The following FAM117A variants were observed in gnomAD, a reference collection of about 807,000 sequenced individuals.
FAM117A encodes protein FAM117A.
FAM117A carries 21 observed loss-of-function variants against 44.1 expected under a neutral mutation model. The observed-to-expected ratio is 0.48, with a 90% CI of 0.34 to 0.69. The LOEUF (loss-of-function observed/expected upper bound fraction) is 0.69, where lower values mean the gene tolerates loss of function less well. FAM117A is among the 30% of genes least tolerant of loss of function. The pLI is 0.01. For synonymous variants in FAM117A, 220 were observed against 238.3 expected, an observed-to-expected ratio of 0.92 and a Z score of 0.71; for missense variants, 498 against 589.9, an observed-to-expected ratio of 0.84 and a Z score of 1.61.
intron 5 of FAM117A, among the ~76,000 whole-genome samples, chr17:49,719,468 T>C (rs1393686754): frequency 1.3e-5 from 2 of 152,122 alleles, no homozygotes; most frequent in East Asian, 3.9e-4. Flanking sequence ...GAACTGGCAG[T>C]TTGGCTGAAG....
At chr17:49,757,090 C>A (rs1200993307) in intron 1 of FAM117A, among the ~76,000 whole-genome samples, 1 of 152,146 alleles carries the variant, frequency 6.6e-6, no homozygotes, top group African/African-American at 2.4e-5. Flanking sequence ...CCCTCCGAGT[C>A]TTCCCAGGCC....
chr17:49,785,868 T>C (rs1431157238), intron 1 of FAM117A, among the ~76,000 whole-genome samples: 2 of 152,144 alleles, frequency 1.3e-5, no homozygotes, highest in African/African-American at 2.4e-5. Context: ...CCTGAGAAAA[T>C]AGAAAGGCAA....
At chr17:49,770,431 A>G (rs1270061748) in intron 1 of FAM117A, among the ~76,000 whole-genome samples, 2 of 152,304 alleles carry the variant, frequency 1.3e-5, no homozygotes, top group Admixed American at 6.5e-5. Flanking sequence ...TTCCATGTAT[A>G]TGAAATGTCC....
intron 1 of FAM117A, among the ~76,000 whole-genome samples, chr17:49,736,021 A>G (rs1489208686): frequency 6.6e-6 from 1 of 152,144 alleles, no homozygotes; most frequent in Non-Finnish European, 1.5e-5. Flanking sequence ...AACTCTCAAC[A>G]CCCAGAGATA....
chr17:49,724,459 C>A, intron 2 of FAM117A: 1 of 456,302 alleles, frequency 2.2e-6, no homozygotes, highest in South Asian at 1.5e-5. Flanking sequence ...ACTAATATCT[C>A]TTGCAAACTC....
At chr17:49,775,740 C>A (rs1188407976) in intron 1 of FAM117A, among the ~76,000 whole-genome samples, 1 of 152,226 alleles carries the variant, frequency 6.6e-6, no homozygotes. Context: ...TACAAAGTAG[C>A]CTGTATTCTG....
chr17:49,787,323 A>G (rs1376835116), intron 1 of FAM117A, among the ~76,000 whole-genome samples: 3 of 152,214 alleles, frequency 2.0e-5, no homozygotes, highest in South Asian at 2.1e-4. Flanking sequence ...CCATTTTCAA[A>G]TAAGTTCTTA....
chr17:49,723,941 G>C (rs1327317896), intron 2 of FAM117A, among the ~76,000 whole-genome samples: 3 of 152,134 alleles, frequency 2.0e-5, no homozygotes, highest in Admixed American at 1.3e-4. Flanking sequence ...GTCTACAAAT[G>C]CTAAATAAAG....
At chr17:49,713,179 C>T (rs945579804) in intron 7 of FAM117A, among the ~76,000 whole-genome samples, 1 of 152,140 alleles carries the variant, frequency 6.6e-6, no homozygotes, top group Non-Finnish European at 1.5e-5. Flanking sequence ...TGAGCCACCG[C>T]ACCCAGCCTG....
chr17:49,751,394 C>T (rs1397335147), intron 1 of FAM117A, among the ~76,000 whole-genome samples: 1 of 150,876 alleles, frequency 6.6e-6, no homozygotes, highest in Non-Finnish European at 1.5e-5. Context: ...TCCTGGTCAA[C>T]ATGGTGAAAC....
chr17:49,751,018 G>A (rs1176244025), intron 1 of FAM117A, among the ~76,000 whole-genome samples: 2 of 152,172 alleles, frequency 1.3e-5, no homozygotes, highest in South Asian at 4.1e-4. Flanking sequence ...AATGGCGCAC[G>A]CCTATAATCC....
Position 49,711,086 on chromosome 17 carries a change from G to A in FAM117A, c.*169C>T. ...AGGCAGGTCCCATCACGTTCAGAGG[G>A]GCCGGTGCCCATCAAAAAGAGGACC... On this transcript the variant is annotated 3_prime_UTR_variant, in exon 8 of 8. Coordinates refer to ENST00000240364, the MANE Select transcript of FAM117A (RefSeq NM_030802.4). 3.2e-6 allele frequency: 2 copies of A among 628,880 alleles called. No homozygotes were observed. Among genetic ancestry groups the A allele is most frequent in the Non-Finnish European group, 5.3e-6 (2 of 376,300 alleles). The allele number at this position is 628,880 out of a possible 1,614,324, so 39.0% of individuals were successfully genotyped here.
chr17:49,716,375 G>A (rs1440887366), intron 6 of FAM117A, 60 bp from the exon 7 acceptor site: 90 of 1,436,340 alleles, frequency 6.3e-5, no homozygotes, highest in Non-Finnish European at 8.3e-5. Flanking sequence ...ACTTTTCTGG[G>A]TCCAGGACTG....
intron 1 of FAM117A, among the ~76,000 whole-genome samples, chr17:49,734,162 C>T (rs1183894866): frequency 6.7e-6 from 1 of 148,604 alleles, no homozygotes; most frequent in Non-Finnish European, 1.5e-5. Context: ...AAAAAAAAGA[C>T]CTATAAAGGC....
chr17:49,727,057 C>G (rs2073563310), intron 2 of FAM117A, among the ~76,000 whole-genome samples: 1 of 151,990 alleles, frequency 6.6e-6, no homozygotes, highest in Non-Finnish European at 1.5e-5. Flanking sequence ...CTCAGTCATT[C>G]TAGATGACCC....
intron 1 of FAM117A, among the ~76,000 whole-genome samples, chr17:49,745,997 G>A (rs2073653094): frequency 6.6e-6 from 1 of 152,136 alleles, no homozygotes; most frequent in Non-Finnish European, 1.5e-5. Flanking sequence ...ATTTCATTAG[G>A]TATAATGATG....
At chr17:49,774,186 C>T (rs1257029891) in intron 1 of FAM117A, among the ~76,000 whole-genome samples, 2 of 152,200 alleles carry the variant, frequency 1.3e-5, no homozygotes, top group Non-Finnish European at 2.9e-5. Context: ...CTCTCTGTTA[C>T]CCAGGCTTAA....
In FAM117A at chr17:49,747,571, C is replaced by T. The variant is rs374476972; in HGVS notation, c.197-14851G>A. On this transcript the variant is annotated intron_variant, in intron 1 of 7. Transcript: ENST00000240364. ...TCCTAGTAGAGTTGTTCTTCTCTAC[C>T]CCCCGCATCCTTGAAAATCTGTGTG... Among the ~76,000 whole-genome samples the T allele has an allele frequency of 7.2e-5, 11 of 152,256 alleles. No individual in the cohort carries two copies. The South Asian group carries it at 1.7e-3, about 23-fold the overall frequency.
chr17:49,772,547 C>T (rs1269646691), intron 1 of FAM117A, among the ~76,000 whole-genome samples: 6 of 151,574 alleles, frequency 4.0e-5, no homozygotes, highest in African/African-American at 1.5e-4. Context: ...GTCAGAAGAT[C>T]GAGACCATCC....
Sources: gnomAD v4.1 joint callset for allele counts (sites outside exome capture counted in the v4.1 genomes callset) on GRCh38, gnomAD v4.1.1 for gene constraint, MANE v1.5 for transcripts, NCBI Gene and HGNC (gene_info 2026-07-23, HGNC 2026-07-21) for gene names.